PAM: variants seen among roughly 807,000 people sequenced by gnomAD.
PAM encodes peptidylglycine alpha-amidating monooxygenase.
A neutral mutation model predicts 122.1 loss-of-function variants in PAM; 72 were observed. The ratio of observed to expected loss-of-function variants is 0.59; its 90% CI spans 0.49 to 0.72. The LOEUF is 0.72. PAM is among the 30% of genes least tolerant of loss of function. PAM has a pLI of 0.00. For synonymous variants in PAM, 389 were observed against 404.4 expected (o/e 0.96, Z 0.46); for missense variants, 1,106 against 1,183.7 (o/e 0.93, Z 0.96).
intron 6 of PAM, among the ~76,000 whole-genome samples, chr5:102,926,276 A>G (rs1472667761): frequency 6.6e-6 from 1 of 152,232 alleles, no homozygotes; most frequent in Non-Finnish European, 1.5e-5. Context: ...TGTCTTTTAA[A>G]TAATCAATAG....
rs2150149093 is a variant in PAM at position 102,807,003 on chromosome 5, A to G, written c.-374+51655A>G. Reference sequence around the variant, plus strand: ...CATCTAAATTGAAATAGAGATAATAATAGTTTCTTTGAACTAGCTGAGATC... The same window carrying G: ...CATCTAAATTGAAATAGAGATAATAGTAGTTTCTTTGAACTAGCTGAGATC... On this transcript the variant is annotated intron_variant, in intron 1 of 25. Coordinates refer to ENST00000438793, the MANE Select transcript of PAM (RefSeq NM_001177306.2). Among the ~76,000 whole-genome samples, 3 of 152,346 alleles carry G rather than the reference A, an allele frequency of 2.0e-5. No homozygotes were observed. The South Asian group carries it at 6.2e-4, about 32-fold the overall frequency.
intron 14 of PAM, among the ~76,000 whole-genome samples, chr5:102,962,196 A>G (rs1305228976): frequency 2.0e-5 from 3 of 151,880 alleles, no homozygotes; most frequent in African/African-American, 7.2e-5. Context: ...AAAGAAGCAT[A>G]AAGTAAACTG....
intron 3 of PAM, among the ~76,000 whole-genome samples, chr5:102,894,951 C>T (rs1313552226): frequency 6.6e-6 from 1 of 151,540 alleles, no homozygotes; most frequent in Admixed American, 6.6e-5. Context: ...TACATGGCAT[C>T]TTCACTAACC....
intron 5 of PAM, among the ~76,000 whole-genome samples, chr5:102,919,766 T>G (rs1447473525): frequency 6.6e-6 from 1 of 152,146 alleles, no homozygotes; most frequent in African/African-American, 2.4e-5. Context: ...GGATCAATTT[T>G]TAAAACACAG....
intron 1 of PAM, among the ~76,000 whole-genome samples, chr5:102,806,208 G>T (rs998351236): frequency 2.0e-5 from 3 of 152,144 alleles, no homozygotes; most frequent in African/African-American, 7.2e-5. Flanking sequence ...AGACAGGTGG[G>T]TCATCTCCTC....
At chr5:102,824,848 T>G (rs1561546338) in intron 1 of PAM, among the ~76,000 whole-genome samples, 1 of 152,288 alleles carries the variant, frequency 6.6e-6, no homozygotes, top group East Asian at 1.9e-4. Context: ...AAATAAAATT[T>G]TATATATTAT....
chr5:102,791,950 G>A lies in PAM; in HGVS notation c.-374+36602G>A, dbSNP rs531364813. On this transcript the variant is annotated intron_variant, in intron 1 of 25. Transcript: ENST00000438793. ...TCCAAATATTGTTGAAACAACACCAGATGTCATCTTTACTGGGCAATATAC... is the reference window on the plus strand; with the variant it reads ...TCCAAATATTGTTGAAACAACACCAAATGTCATCTTTACTGGGCAATATAC... Among the ~76,000 whole-genome samples, 12 of 152,288 alleles carry A rather than the reference G, an allele frequency of 7.9e-5. No homozygotes were observed. In the East Asian group the frequency reaches 2.3e-3, roughly 29 times the overall value.
chr5:103,028,015 A>G (rs1785473494), intron 24 of PAM, among the ~76,000 whole-genome samples, 170 bp from the exon 25 acceptor site: 1 of 152,170 alleles, frequency 6.6e-6, no homozygotes, highest in African/African-American at 2.4e-5. Flanking sequence ...TGGGCCCTTT[A>G]TGTATGTCTC....
intron 4 of PAM, among the ~76,000 whole-genome samples, chr5:102,912,349 C>T (rs1293863789): frequency 6.6e-6 from 1 of 151,792 alleles, no homozygotes; most frequent in Non-Finnish European, 1.5e-5. Context: ...TATAGATGTT[C>T]ATAAAGTAGT....
intron 7 of PAM, among the ~76,000 whole-genome samples, chr5:102,941,581 C>T (rs1755238750): frequency 2.0e-5 from 3 of 151,904 alleles, no homozygotes; most frequent in Admixed American, 2.0e-4. Context: ...CTTAAAGTGT[C>T]GGTGCTTTTG....
In PAM at chr5:103,023,416, CT is replaced by C. The variant is rs1403532188; in HGVS notation, c.2486-1714del. On this transcript the variant is annotated intron_variant, in intron 23 of 25. Coordinates refer to ENST00000438793, the MANE Select transcript of PAM (RefSeq NM_001177306.2). ...CTACATCTTTGGCCTGTGTTTTTTA[CT>C]CCCATGATCTATTTATTGCAATTTT... Among the ~76,000 whole-genome samples the C allele has an allele frequency of 2.6e-5, 4 of 151,804 alleles. No individual in the cohort carries two copies. The East Asian group carries it at 7.7e-4, about 29-fold the overall frequency.
In PAM at chr5:103,015,803, A is replaced by G. The variant is rs553953763; in HGVS notation, c.2332-1531A>G. On this transcript the variant is annotated intron_variant, in intron 21 of 25. Transcript: ENST00000438793. ...GTGGCTCTCTCACTTGAGAGCCACT[A>G]ATAAAGGTTTATTATTGTTGTTGCC... Among the ~76,000 whole-genome samples the G allele has an allele frequency of 3.3e-5, 5 of 152,296 alleles. No individual in the cohort carries two copies. In the East Asian group the frequency reaches 5.8e-4, roughly 18 times the overall value.
intron 1 of PAM, among the ~76,000 whole-genome samples, chr5:102,758,614 A>T (rs1751361012): frequency 6.6e-6 from 1 of 152,226 alleles, no homozygotes; most frequent in African/African-American, 2.4e-5. Flanking sequence ...AATTTCAGTC[A>T]TCATGTATCC....
intron 3 of PAM, among the ~76,000 whole-genome samples, chr5:102,876,153 T>C (rs1169394710): frequency 6.6e-6 from 1 of 152,202 alleles, no homozygotes; most frequent in African/African-American, 2.4e-5. Flanking sequence ...TTATGGTTCT[T>C]TTCTCCCTCA....
chr5:102,850,642 G>C (rs1292463276), intron 1 of PAM, among the ~76,000 whole-genome samples: 1 of 152,128 alleles, frequency 6.6e-6, no homozygotes, highest in Admixed American at 6.5e-5. Flanking sequence ...ATTCACTTCT[G>C]TTCCTCCTTA....
At chr5:102,774,404 C>A (rs1424899908) in intron 1 of PAM, among the ~76,000 whole-genome samples, 1 of 152,028 alleles carries the variant, frequency 6.6e-6, no homozygotes, top group African/African-American at 2.4e-5. Flanking sequence ...GAGAGCCACT[C>A]CAAAGTGAGA....
intron 1 of PAM, among the ~76,000 whole-genome samples, chr5:102,788,063 C>G (rs902753207): frequency 3.9e-5 from 6 of 152,058 alleles, no homozygotes; most frequent in Admixed American, 3.9e-4. Context: ...AGTTCACTTG[C>G]ACTCACACAG....
intron 5 of PAM, among the ~76,000 whole-genome samples, chr5:102,917,333 T>C (rs1745777278): frequency 6.6e-6 from 1 of 152,230 alleles, no homozygotes; most frequent in African/African-American, 2.4e-5. Flanking sequence ...TTTTGAGTCA[T>C]GGAATTGATC....
chr5:102,942,323 G>C (rs1363293025), intron 7 of PAM, among the ~76,000 whole-genome samples: 1 of 151,942 alleles, frequency 6.6e-6, no homozygotes, highest in Admixed American at 6.6e-5. Context: ...GTAATTTAAT[G>C]TTATTAATTT....
Sources: allele counts gnomAD v4.1 joint callset (sites outside exome capture counted in the v4.1 genomes callset), GRCh38; gene constraint gnomAD v4.1.1; transcripts MANE v1.5; gene names NCBI Gene and HGNC (gene_info 2026-07-23, HGNC 2026-07-21).